Variants in TFB1M observed in about 807,000 individuals in gnomAD.
TFB1M encodes dimethyladenosine transferase 1, mitochondrial.
Under a neutral mutation model 31.1 loss-of-function variants are expected in TFB1M, and 27 were observed. That is an observed-to-expected ratio of 0.87 (90% CI 0.64 to 1.20). The LOEUF is 1.20. Ranked by LOEUF, TFB1M falls within the 50% of genes most tolerant of loss-of-function variation. The pLI is 0.00. For missense variants in TFB1M, 394 were observed against 418.7 expected, an observed-to-expected ratio of 0.94 and a Z score of 0.51; for synonymous variants, 166 against 151.8, an observed-to-expected ratio of 1.09 and a Z score of -0.69.
chr6:155,294,237 C>T (rs1180128285), intron 4 of TFB1M, among the ~76,000 whole-genome samples: 1 of 152,090 alleles, frequency 6.6e-6, no homozygotes, highest in Non-Finnish European at 1.5e-5. Flanking sequence ...GAAAGGTAAA[C>T]ATAAAGCTTC....
At chr6:155,298,953 C>T (rs1777304459) in intron 2 of TFB1M, among the ~76,000 whole-genome samples, 1 of 152,136 alleles carries the variant, frequency 6.6e-6, no homozygotes, top group Non-Finnish European at 1.5e-5. Flanking sequence ...GAGAATTAAT[C>T]AGGAGTCAAC....
At chr6:155,250,807 G>T in the TFB1M span, 1 of 1,276,498 alleles carries the variant, frequency 7.8e-7, no homozygotes, top group East Asian at 2.3e-5. Context: ...AATTAAACCA[G>T]CTGTGCTTGC....
chr6:155,278,443 T>G (rs1054945817), intron 5 of TFB1M, among the ~76,000 whole-genome samples: 1 of 152,234 alleles, frequency 6.6e-6, no homozygotes, highest in Non-Finnish European at 1.5e-5. Flanking sequence ...GTTTACATGA[T>G]TGCATCTCCA....
At chr6:155,245,038 G>A in the TFB1M span, among the ~76,000 whole-genome samples, 2 of 152,164 alleles carry the variant, frequency 1.3e-5, no homozygotes, top group African/African-American at 4.8e-5. Context: ...GACCACGTAC[G>A]TGCTCTTTTC....
chr6:155,314,464 C>G lies in TFB1M; in HGVS notation c.-36G>C. The G allele has an allele frequency of 6.2e-7, 1 of 1,612,904 alleles. No individual in the cohort carries two copies. Among genetic ancestry groups the G allele is most frequent in the Non-Finnish European group, 8.5e-7 (1 of 1,179,488 alleles). ...AAGCACCATCCAACCCTACCTCACC[C>G]AGGACCTTCACCGCCGCTCCGAAAG... On this transcript the variant is annotated 5_prime_UTR_variant, in exon 1 of 7. Coordinates refer to ENST00000367166, the MANE Select transcript of TFB1M (RefSeq NM_016020.4).
chr6:155,249,658 G>A, the TFB1M span, among the ~76,000 whole-genome samples: 1 of 152,306 alleles, frequency 6.6e-6, no homozygotes, highest in Non-Finnish European at 1.5e-5. Flanking sequence ...TGAAGTAGGA[G>A]ATAATTTTGC....
intron 5 of TFB1M, among the ~76,000 whole-genome samples, chr6:155,277,472 A>G (rs1785276029): frequency 1.3e-5 from 2 of 152,226 alleles, no homozygotes; most frequent in Admixed American, 1.3e-4. Context: ...GTCATTGTCA[A>G]TGATTCAATG....
chr6:155,283,144 A>G (rs1776460745), intron 5 of TFB1M, among the ~76,000 whole-genome samples: 1 of 152,208 alleles, frequency 6.6e-6, no homozygotes, highest in South Asian at 2.1e-4. Context: ...AAAGCAGCAG[A>G]GAATTCTTTT....
chr6:155,248,268 T>TC, the TFB1M span: 10 of 1,433,644 alleles, frequency 7.0e-6, no homozygotes, highest in Middle Eastern at 5.1e-4. Flanking sequence ...GCTCACCTCT[T>TC]CCCCGCCTAG....
In TFB1M at chr6:155,308,109, TCTC is replaced by T. The variant is rs1336528626; in HGVS notation, c.285+3076_285+3078del. On this transcript the variant is annotated intron_variant, in intron 2 of 6. Coordinates refer to ENST00000367166, the MANE Select transcript of TFB1M (RefSeq NM_016020.4). ...CTCAAGCTCCTTGAGATTCAGGAAA[TCTC>T]CTCACTCCTCTCCACAGCACAGAGA... 2.0e-5 allele frequency among the ~76,000 whole-genome samples: 3 copies of T among 152,026 alleles called. No individual in the cohort carries two copies. The East Asian group carries it at 5.8e-4, about 29-fold the overall frequency.
At chr6:155,250,638 T>A in the TFB1M span, 1 of 1,535,290 alleles carries the variant, frequency 6.5e-7, no homozygotes, top group Non-Finnish European at 8.7e-7. Flanking sequence ...GAGTTCATCT[T>A]ATGGAAACTG....
At chr6:155,260,565 C>G (rs1027823740) in intron 5 of TFB1M, 165 bp from the exon 6 acceptor site, 1 of 849,008 alleles carries the variant, frequency 1.2e-6, no homozygotes, top group Non-Finnish European at 1.9e-6. Flanking sequence ...GAAGATGGTA[C>G]ATTCTGGATT....
intron 5 of TFB1M, among the ~76,000 whole-genome samples, chr6:155,273,748 C>T (rs765726324): frequency 2.0e-5 from 3 of 152,084 alleles, no homozygotes; most frequent in Non-Finnish European, 2.9e-5. Context: ...GAGATCTGGA[C>T]GCTGCAGGTT....
downstream of TFB1M, chr6:155,254,444 G>A: frequency 1.9e-6 from 3 of 1,613,760 alleles, no homozygotes; most frequent in Non-Finnish European, 2.5e-6. Flanking sequence ...AACCAACATT[G>A]TTAAGGTGAT....
chr6:155,299,972 T>C (rs1365806313), intron 2 of TFB1M, among the ~76,000 whole-genome samples: 1 of 152,244 alleles, frequency 6.6e-6, no homozygotes, highest in Non-Finnish European at 1.5e-5. Context: ...ACCCATTTCC[T>C]ATCTACCTTT....
chr6:155,253,229 A>G (rs140928415), downstream of TFB1M: 2 of 537,450 alleles, frequency 3.7e-6, no homozygotes, highest in African/African-American at 3.8e-5. Flanking sequence ...GGGAGAAACT[A>G]AATGCTGGTG....
At chr6:155,307,909 G>GAAAA (rs59955607) in intron 2 of TFB1M, among the ~76,000 whole-genome samples, 2 of 128,290 alleles carry the variant, frequency 1.6e-5, no homozygotes, top group Admixed American at 8.1e-5. Context: ...AAAATAAACA[G>GAAAA]AAAAAAAAAA....
At chr6:155,236,239 G>T in the TFB1M span, among the ~76,000 whole-genome samples, 2 of 152,030 alleles carry the variant, frequency 1.3e-5, no homozygotes, top group South Asian at 4.2e-4. Context: ...TGGGGACCCT[G>T]GGACAGGTGA....
At chr6:155,261,960 T>C (rs1016371847) in intron 5 of TFB1M, among the ~76,000 whole-genome samples, 4 of 152,226 alleles carry the variant, frequency 2.6e-5, no homozygotes, top group Non-Finnish European at 2.9e-5. Flanking sequence ...TAATAAATTT[T>C]AGTAAGTTTT....
Sources: allele counts gnomAD v4.1 joint callset (sites outside exome capture counted in the v4.1 genomes callset), GRCh38; gene constraint gnomAD v4.1.1; transcripts MANE v1.5; gene names NCBI Gene and HGNC (gene_info 2026-07-23, HGNC 2026-07-21).